Variants in ZNF267 observed in about 807,000 individuals in gnomAD.
ZNF267 encodes zinc finger (C2H2).
ZNF267 carries 61 observed loss-of-function variants against 71.6 expected under a neutral mutation model. The ratio of observed to expected loss-of-function variants is 0.85; its 90% confidence interval spans 0.69 to 1.05. The LOEUF (loss-of-function observed/expected upper bound fraction) is 1.05, where lower values mean the gene tolerates loss of function less well. Ranked by LOEUF, ZNF267 falls within the 50% of genes least tolerant of loss-of-function variation. ZNF267 has a pLI of 0.00. For synonymous variants in ZNF267, 288 were observed against 293.2 expected, an observed-to-expected ratio of 0.98 and a Z score of 0.18; for missense variants, 852 against 870.0, an observed-to-expected ratio of 0.98 and a Z score of 0.26.
chr16:31,898,309 A>G (rs1298856520), intron 3 of ZNF267, among the ~76,000 whole-genome samples: 1 of 151,930 alleles, frequency 6.6e-6, no homozygotes, highest in African/African-American at 2.4e-5. Flanking sequence ...TCTTTTTTCC[A>G]TGCTTTCATG....
At chr16:31,913,125 T>C (rs1307105548) in intron 3 of ZNF267, 2 of 152,176 alleles carry the variant, frequency 1.3e-5, no homozygotes, top group Non-Finnish European at 2.9e-5. Flanking sequence ...AGTCTGGGCT[T>C]TGTGTCCACC....
chr16:31,877,136 C>CA (rs1364439156), intron 1 of ZNF267, among the ~76,000 whole-genome samples: 1 of 152,078 alleles, frequency 6.6e-6, no homozygotes, highest in Non-Finnish European at 1.5e-5. Flanking sequence ...ACACTCCCCC[C>CA]ACCCGACAAC....
At chr16:31,893,620 A>G (rs2083976288) in intron 3 of ZNF267, among the ~76,000 whole-genome samples, 1 of 152,150 alleles carries the variant, frequency 6.6e-6, no homozygotes, top group South Asian at 2.1e-4. Flanking sequence ...TCACAATGAG[A>G]CTAATGTTAG....
intron 1 of ZNF267, among the ~76,000 whole-genome samples, chr16:31,877,312 C>A (rs1271773801): frequency 2.0e-5 from 3 of 152,118 alleles, no homozygotes; most frequent in African/African-American, 7.2e-5. Flanking sequence ...GTAAGAAGTT[C>A]CTTAATTCTA....
chr16:31,891,203 GA>G (rs1434763103), intron 3 of ZNF267, among the ~76,000 whole-genome samples: 2 of 151,868 alleles, frequency 1.3e-5, no homozygotes, highest in African/African-American at 4.8e-5. Context: ...TCTATCCATA[GA>G]AAAAAACTCC....
chr16:31,904,208 T>A (rs1168719504), intron 3 of ZNF267, among the ~76,000 whole-genome samples: 1 of 152,214 alleles, frequency 6.6e-6, no homozygotes, highest in African/African-American at 2.4e-5. Context: ...TACTTCCAAC[T>A]ATGTGGTCAA....
At chr16:31,904,926 G>T (rs185793732) in intron 3 of ZNF267, among the ~76,000 whole-genome samples, 1 of 152,188 alleles carries the variant, frequency 6.6e-6, no homozygotes, top group African/African-American at 2.4e-5. Flanking sequence ...GCTGGTACCG[G>T]TTGTTCCTTT....
intron 3 of ZNF267, among the ~76,000 whole-genome samples, chr16:31,902,299 T>G (rs143529349): frequency 6.6e-6 from 1 of 152,042 alleles, no homozygotes; most frequent in South Asian, 2.1e-4. Flanking sequence ...TTCCATATGA[T>G]CTTTAAAGTA....
chr16:31,906,764 C>T (rs560953962), intron 3 of ZNF267, among the ~76,000 whole-genome samples: 4 of 152,040 alleles, frequency 2.6e-5, no homozygotes, highest in East Asian at 2.0e-4. Flanking sequence ...GGCTCACGCA[C>T]GGTGGGCTGC....
intron 1 of ZNF267, among the ~76,000 whole-genome samples, chr16:31,875,656 A>G (rs543342287): frequency 6.6e-6 from 1 of 152,344 alleles, no homozygotes; most frequent in African/African-American, 2.4e-5. Flanking sequence ...GAGCATTTTA[A>G]TGAGCAGTAT....
Position 31,914,800 on chromosome 16 carries a change from G to T in ZNF267, c.551G>T (p.Trp184Leu). 1 of 1,612,918 alleles carries T rather than the reference G, an allele frequency of 6.2e-7. No homozygotes were observed. Among genetic ancestry groups the T allele is most frequent in the East Asian group, 2.2e-5 (1 of 44,836 alleles). The change falls in exon 4 of 4, where the codon TGG becomes TTG. Residue 184 changes from tryptophan to leucine, a missense_variant. Trp to Leu is a moderately conservative substitution (Grantham distance 61). Coordinates refer to ENST00000300870, the MANE Select transcript of ZNF267 (RefSeq NM_003414.6). ...LLNQQEEIDI[W>L]GKHHIYDKTS... ...AATCAACAAGAGGAAATAGATATTT[G>T]GGGAAAACATCACATATATGATAAA...
At chr16:31,875,661 C>T (rs928246263) in intron 1 of ZNF267, among the ~76,000 whole-genome samples, 1 of 152,188 alleles carries the variant, frequency 6.6e-6, no homozygotes, top group African/African-American at 2.4e-5. Context: ...TTTTAATGAG[C>T]AGTATTGGGG....
Position 31,916,385 on chromosome 16 carries a change from A to G in ZNF267, c.2136A>G (p.Gly712=), listed in dbSNP as rs373146753. ...CTACACATCGGAGAAGTCATAGTGG[A>G]GAGAGACCCTACAAATGTGAAGAAT... ...YLTTHRRSHS[G]ERPYKCEECG... The change falls in exon 4 of 4, where the codon GGA becomes GGG. Residue 712 remains glycine, a synonymous_variant. Coordinates refer to ENST00000300870, the MANE Select transcript of ZNF267 (RefSeq NM_003414.6). 2 of 1,614,038 alleles carry G rather than the reference A, an allele frequency of 1.2e-6. No homozygotes were observed. The highest frequency in any genetic ancestry group is 1.7e-6 in the Non-Finnish European group (2 of 1,179,984).
At chr16:31,914,142 G>C (rs1470991645) in intron 3 of ZNF267, 3 of 214,558 alleles carry the variant, frequency 1.4e-5, no homozygotes, top group Admixed American at 5.3e-5. Flanking sequence ...CCAGGTCTCT[G>C]CTGTGATAGG....
At chr16:31,903,640 T>G (rs971687575) in intron 3 of ZNF267, among the ~76,000 whole-genome samples, 3 of 152,214 alleles carry the variant, frequency 2.0e-5, no homozygotes, top group African/African-American at 7.2e-5. Context: ...GATATCCCCT[T>G]TGTCATTTTT....
intron 3 of ZNF267, among the ~76,000 whole-genome samples, chr16:31,906,057 C>G (rs2084087218): frequency 6.6e-6 from 1 of 152,138 alleles, no homozygotes; most frequent in Non-Finnish European, 1.5e-5. Flanking sequence ...CACTCCAGAC[C>G]CTGTATGTCT....
At chr16:31,874,323 C>T (rs1417716299) in intron 1 of ZNF267, 6 of 249,862 alleles carry the variant, frequency 2.4e-5, no homozygotes, top group Non-Finnish European at 3.8e-5. Flanking sequence ...GAAACCGTGC[C>T]CTGTGGGGTC....
At chr16:31,874,214 C>T (rs891948120) in intron 1 of ZNF267, 1 of 487,536 alleles carries the variant, frequency 2.1e-6, no homozygotes, top group Admixed American at 3.6e-5. Context: ...TGGCCGGAGC[C>T]CTCTCTGGGC....
chr16:31,915,793 C>A lies in ZNF267; in HGVS notation c.1544C>A (p.Thr515Asn). Reference protein sequence around the residue: ...SCLTQHRKIHTGENLYKCKVC... With the variant: ...SCLTQHRKIHNGENLYKCKVC... ...CTTACTCAACATCGGAAAATTCATA[C>A]TGGAGAAAATCTTTACAAATGCAAA... Residue 515 changes from threonine (T) to asparagine (N), a missense_variant, in exon 4 of 4, where the codon ACT becomes AAT. Physicochemically the swap from Thr to Asn is moderately conservative, Grantham distance 65. Transcript: ENST00000300870. The A allele has an allele frequency of 6.2e-7, 1 of 1,613,228 alleles. No homozygotes were observed. Among genetic ancestry groups the A allele is most frequent in the East Asian group, 2.2e-5 (1 of 44,850 alleles).
Sources: allele counts gnomAD v4.1 joint callset (sites outside exome capture counted in the v4.1 genomes callset), GRCh38; gene constraint gnomAD v4.1.1; transcripts MANE v1.5; gene names NCBI Gene and HGNC (gene_info 2026-07-23, HGNC 2026-07-21).